The following PCDHGA5 variants were observed in gnomAD, a reference collection of about 807,000 sequenced individuals.
PCDHGA5 encodes protocadherin gamma subfamily A, 5, also known as protocadherin gamma-A5.
A neutral mutation model predicts 56.7 loss-of-function variants in PCDHGA5; 36 were observed. That is an observed-to-expected ratio of 0.64 (90% CI 0.49 to 0.84). The LOEUF is 0.84. Ranked by LOEUF, PCDHGA5 falls within the 40% of genes least tolerant of loss-of-function variation. The pLI is 0.00. For missense variants in PCDHGA5, 1,305 were observed against 1,201.5 expected, an observed-to-expected ratio of 1.09 and a Z score of -1.27; for synonymous variants, 563 against 520.2, an observed-to-expected ratio of 1.08 and a Z score of -1.12.
chr5:141,472,316 C>T (rs1456055286), intron 1 of PCDHGA5, among the ~76,000 whole-genome samples: 6 of 151,940 alleles, frequency 3.9e-5, no homozygotes, highest in Non-Finnish European at 8.8e-5. Context: ...CCGAGGCAGG[C>T]AGATCACGAG....
chr5:141,369,901 T>G (rs1766552570), intron 1 of PCDHGA5, among the ~76,000 whole-genome samples: 1 of 152,190 alleles, frequency 6.6e-6, no homozygotes, highest in Admixed American at 6.5e-5. Context: ...TTATGACCAT[T>G]TTATGAAAAT....
chr5:141,372,053 C>T, intron 1 of PCDHGA5: 1 of 1,613,498 alleles, frequency 6.2e-7, no homozygotes, highest in Middle Eastern at 1.7e-4. Context: ...TGTTGGTGGA[C>T]GACCGCAACG....
chr5:141,386,967 T>C (rs1397962065), intron 1 of PCDHGA5, among the ~76,000 whole-genome samples: 1 of 152,204 alleles, frequency 6.6e-6, no homozygotes, highest in Non-Finnish European at 1.5e-5. Flanking sequence ...CAGATCTCAG[T>C]GACTTTGTGT....
At chr5:141,374,153 TG>T in intron 1 of PCDHGA5, 1 of 1,612,060 alleles carries the variant, frequency 6.2e-7, no homozygotes, top group African/African-American at 1.3e-5. Context: ...GGGGACGCTG[TG>T]GGGGGCCGCG....
chr5:141,447,056 G>A (rs1452688256), intron 1 of PCDHGA5, among the ~76,000 whole-genome samples: 1 of 152,058 alleles, frequency 6.6e-6, no homozygotes, highest in Non-Finnish European at 1.5e-5. Flanking sequence ...CTATTAAAAT[G>A]TGTCAGGCTG....
In PCDHGA5 at chr5:141,476,718, C is replaced by T; in HGVS notation, c.2422-18089C>T. On this transcript the variant is annotated intron_variant, in intron 1 of 3. Transcript: ENST00000518069. The surrounding 1 kb of genome is among the most constrained non-coding windows in gnomAD (Gnocchi z 7.6). ...TACGCGGAGCTGGTGTTGGAGCGCG[C>T]CCTGGACCGAGAACGGGAGCCTAGT... The T allele has an allele frequency of 1.2e-6, 2 of 1,614,144 alleles. No individual in the cohort carries two copies. The highest frequency in any genetic ancestry group is 2.2e-5 in the East Asian group (1 of 44,874).
chr5:141,426,589 T>G (rs2096945227), intron 1 of PCDHGA5: 1 of 369,180 alleles, frequency 2.7e-6, no homozygotes, highest in South Asian at 2.0e-5. Context: ...ATCCTCTGTG[T>G]CATACCCTTA....
In PCDHGA5 at chr5:141,366,453, T is replaced by C. The variant is rs1477570113; in HGVS notation, c.2123T>C (p.Val708Ala). The change falls in exon 1 of 4, where the codon GTC (valine) becomes GCC (alanine). Residue 708 changes from valine (V) to alanine (A), a missense_variant. By Grantham distance (64) the Val-to-Ala change is moderately conservative. Coordinates refer to ENST00000518069, the MANE Select transcript of PCDHGA5 (RefSeq NM_018918.3). ...AAVSCVFLAF[V>A]IVLLVLRLRR... is the part of the protein sequence containing the mutation. Reference sequence around the variant, plus strand: ...GTCTCCTGCGTCTTCCTGGCCTTCGTCATCGTGCTGCTGGTGCTCAGACTG... The same window carrying C: ...GTCTCCTGCGTCTTCCTGGCCTTCGCCATCGTGCTGCTGGTGCTCAGACTG... 7 of 1,614,220 alleles carry C rather than the reference T, an allele frequency of 4.3e-6. No individual in the cohort carries two copies. The Admixed American group carries it at 1.0e-4, about 23-fold the overall frequency.
At chr5:141,456,197 C>T (rs1353243708) in intron 1 of PCDHGA5, among the ~76,000 whole-genome samples, 1 of 152,090 alleles carries the variant, frequency 6.6e-6, no homozygotes, top group Non-Finnish European at 1.5e-5. Context: ...ATAACTCCTA[C>T]CACATTCCTC....
At chr5:141,401,626 C>G (rs1476531463) in intron 1 of PCDHGA5, among the ~76,000 whole-genome samples, 1 of 152,174 alleles carries the variant, frequency 6.6e-6, no homozygotes, top group Non-Finnish European at 1.5e-5. Flanking sequence ...TTTGTCTTAT[C>G]GTTTGGAGCT....
intron 1 of PCDHGA5, among the ~76,000 whole-genome samples, chr5:141,406,328 C>T (rs1235799294): frequency 1.3e-5 from 2 of 152,062 alleles, no homozygotes; most frequent in Non-Finnish European, 2.9e-5. Context: ...ATTCTTACTC[C>T]TACGATCATT....
At chr5:141,371,295 C>G (rs1362756223) in intron 1 of PCDHGA5, 3 of 1,613,880 alleles carry the variant, frequency 1.9e-6, no homozygotes, top group Non-Finnish European at 2.5e-6. Context: ...AACGGGGGAA[C>G]TCACCACTAT....
At position 141,404,162 on chromosome 5, in the gene PCDHGA5, T is replaced by C. The variant is rs768188662; in HGVS notation, c.2421+37411T>C. The C allele has an allele frequency of 2.0e-5, 33 of 1,613,076 alleles. No homozygotes were observed. In the East Asian group the frequency reaches 7.4e-4, roughly 36 times the overall value. ...AAATTCAGAAGAAGATTATTACAGA[T>C]TGTTGACGGCCCAAATTCTTGACCG... On this transcript the variant is annotated intron_variant, in intron 1 of 3. Transcript: ENST00000518069.
Position 141,510,942 on chromosome 5 carries a change from T to C in PCDHGA5, c.2570-5T>C, listed in dbSNP as rs769766039. On this transcript the variant is annotated splice_region_variant and splice_polypyrimidine_tract_variant and intron_variant, in intron 3 of 3. Transcript: ENST00000518069. ...CTCCCACCTGATCTTCCTCTGTCTCTGCAGAAGCTGCTGATGGGAGCTCCA... is the reference window on the plus strand; with the variant it reads ...CTCCCACCTGATCTTCCTCTGTCTCCGCAGAAGCTGCTGATGGGAGCTCCA... 5 of 1,613,984 alleles carry C rather than the reference T, an allele frequency of 3.1e-6. No homozygotes were observed. The highest frequency in any genetic ancestry group is 4.2e-6 in the Non-Finnish European group (5 of 1,180,014).
chr5:141,413,470 C>T (rs748662580), intron 1 of PCDHGA5: 17 of 1,614,110 alleles, frequency 1.1e-5, no homozygotes, highest in Non-Finnish European at 1.4e-5. Flanking sequence ...CCGGGAGGAG[C>T]TCTGCGCTCA....
intron 1 of PCDHGA5, chr5:141,419,553 C>T (rs2096398346): frequency 1.2e-5 from 20 of 1,611,902 alleles, no homozygotes; most frequent in Non-Finnish European, 1.4e-5. Flanking sequence ...GTGCTGTACC[C>T]TGCGCTGGGT....
intron 1 of PCDHGA5, chr5:141,370,503 A>G (rs748568683): frequency 1.2e-6 from 2 of 1,613,814 alleles, no homozygotes; most frequent in Non-Finnish European, 1.7e-6. Flanking sequence ...CCGCTACGCT[A>G]TTCCCGAGGA....
chr5:141,409,714 C>T (rs1053132512), intron 1 of PCDHGA5: 1 of 1,613,226 alleles, frequency 6.2e-7, no homozygotes, highest in Non-Finnish European at 8.5e-7. Flanking sequence ...TGTCGTCATA[C>T]GTGTCAGTGA....
At chr5:141,443,392 T>A (rs151260637) in intron 1 of PCDHGA5, among the ~76,000 whole-genome samples, 1 of 151,662 alleles carries the variant, frequency 6.6e-6, no homozygotes, top group Non-Finnish European at 1.5e-5. Context: ...GGCTGAGGTG[T>A]GAGGATCACC....
Sources: gnomAD v4.1 joint callset for allele counts (sites outside exome capture counted in the v4.1 genomes callset) on GRCh38, gnomAD v4.1.1 for gene constraint, Gnocchi (gnomAD v3.1) non-coding constraint, MANE v1.5 for transcripts, NCBI Gene and HGNC (gene_info 2026-07-23, HGNC 2026-07-21) for gene names.